SHANK2: variants seen among roughly 807,000 people sequenced by gnomAD.
The protein encoded by SHANK2 is SH3 and multiple ankyrin repeat domains protein 2.
Under a neutral mutation model 133.7 loss-of-function variants are expected in SHANK2, and 43 were observed. That is an observed-to-expected ratio of 0.32 (90% CI 0.25 to 0.41). SHANK2 has a LOEUF of 0.41. Ranked by LOEUF, SHANK2 falls within the 10% of genes least tolerant of loss-of-function variation. The pLI is 1.00. For synonymous variants in SHANK2, 1,017 were observed against 952.8 expected (o/e 1.07, Z -1.24); for missense variants, 1,994 against 2,235.8 (o/e 0.89, Z 2.18).
Position 70,689,489 on chromosome 11 carries a change from T to A in SHANK2, c.1853+9199A>T, listed in dbSNP as rs112478657. Among the ~76,000 whole-genome samples the A allele has an allele frequency of 5.7e-3, 868 of 152,182 alleles. 8 individuals are homozygous for A. Among genetic ancestry groups the A allele is most frequent in the African/African-American group, 0.02 (813 of 41,488 alleles). On this transcript the variant is annotated intron_variant, in intron 15 of 25. Transcript: ENST00000601538. ...AGGAAGCGCACACTCACATCCACCATCAGATTTCAGAACACTAAGAAAAAG... is the reference window on the plus strand; with the variant it reads ...AGGAAGCGCACACTCACATCCACCAACAGATTTCAGAACACTAAGAAAAAG...
chr11:71,171,786 C>G (rs1209987065), intron 2 of SHANK2, among the ~76,000 whole-genome samples: 1 of 152,234 alleles, frequency 6.6e-6, no homozygotes, highest in Non-Finnish European at 1.5e-5. Context: ...CAAAGATCAC[C>G]CCTCAGGGCA....
chr11:70,562,930 G>A (rs2059924718), intron 17 of SHANK2, among the ~76,000 whole-genome samples: 1 of 152,172 alleles, frequency 6.6e-6, no homozygotes, highest in Admixed American at 6.5e-5. Context: ...GGAGTGCAGT[G>A]GCACGATCTC....
chr11:70,509,770 C>A (rs782559040), intron 17 of SHANK2, among the ~76,000 whole-genome samples: 33 of 152,186 alleles, frequency 2.2e-4, no homozygotes, highest in Non-Finnish European at 4.0e-4. Flanking sequence ...GGGATTAGTG[C>A]CCTTATAAAA....
At chr11:71,204,726 A>G (rs1954093117) in intron 2 of SHANK2, among the ~76,000 whole-genome samples, 1 of 152,162 alleles carries the variant, frequency 6.6e-6, no homozygotes, top group South Asian at 2.1e-4. Flanking sequence ...CACAGAAAAC[A>G]AGACCAAGAA....
At chr11:70,585,914 CATCCA>C (rs2060244801) in intron 17 of SHANK2, among the ~76,000 whole-genome samples, 1 of 150,696 alleles carries the variant, frequency 6.6e-6, no homozygotes, top group Admixed American at 6.6e-5. Flanking sequence ...CCCATCCATC[CATCCA>C]CCCATCCTTC....
chr11:70,622,580 C>A (rs1554998269), intron 17 of SHANK2, among the ~76,000 whole-genome samples: 2 of 152,218 alleles, frequency 1.3e-5, no homozygotes, highest in Non-Finnish European at 2.9e-5. Context: ...CCAGGGGCTG[C>A]GGCCACCCTG....
At chr11:70,526,775 A>C (rs1591537652) in intron 17 of SHANK2, among the ~76,000 whole-genome samples, 13 of 131,288 alleles carry the variant, frequency 9.9e-5, no homozygotes, top group African/African-American at 1.5e-4. Context: ...CCCCTCCCCT[A>C]CTCTCAGGCA....
chr11:70,774,486 A>C (rs951817574), intron 14 of SHANK2, among the ~76,000 whole-genome samples: 1 of 152,064 alleles, frequency 6.6e-6, no homozygotes, highest in Non-Finnish European at 1.5e-5. Flanking sequence ...TACCCAGCTA[A>C]TTTTTGTATT....
rs1239105895 is a variant in SHANK2 at position 70,500,640 on chromosome 11, C to T, written c.2288-50G>A. The T allele has an allele frequency of 1.3e-6, 2 of 1,582,374 alleles. No homozygotes were observed. The highest frequency in any genetic ancestry group is 1.7e-6 in the Non-Finnish European group (2 of 1,164,888). On this transcript the variant is annotated intron_variant, in intron 20 of 25. Transcript: ENST00000601538. This position sits in a 1 kb window ranked among gnomAD's most constrained non-coding sequence, Gnocchi z 4.5. ...ATGAGCCACCAGGATGCAGCGCCCGCCCGCAGCCTACACTCGGGCCTTGTC... is the reference window on the plus strand; with the variant it reads ...ATGAGCCACCAGGATGCAGCGCCCGTCCGCAGCCTACACTCGGGCCTTGTC...
intron 10 of SHANK2, among the ~76,000 whole-genome samples, chr11:70,899,220 C>G (rs1292407640): frequency 6.6e-6 from 1 of 152,138 alleles, no homozygotes; most frequent in African/African-American, 2.4e-5. Context: ...CGGGAGGTAA[C>G]TGAATCACGG....
intron 15 of SHANK2, among the ~76,000 whole-genome samples, chr11:70,691,795 G>GAGC (rs1323216303): frequency 6.6e-6 from 1 of 152,196 alleles, no homozygotes; most frequent in Admixed American, 6.5e-5. Flanking sequence ...TCAGGAGGTT[G>GAGC]AGGCAGGAGA....
chr11:71,067,185 GC>G (rs1951075255), intron 9 of SHANK2, among the ~76,000 whole-genome samples: 1 of 152,146 alleles, frequency 6.6e-6, no homozygotes, highest in African/African-American at 2.4e-5. Flanking sequence ...CCCCATGATG[GC>G]CCCATGGGAG....
intron 2 of SHANK2, among the ~76,000 whole-genome samples, chr11:71,167,419 C>G (rs1396871749): frequency 7.7e-6 from 1 of 130,624 alleles, no homozygotes; most frequent in Non-Finnish European, 1.6e-5. Context: ...GGGGGCTGAC[C>G]CCCCCCACCT....
chr11:70,796,398 C>T (rs925423383), intron 14 of SHANK2, among the ~76,000 whole-genome samples: 3 of 152,232 alleles, frequency 2.0e-5, no homozygotes, highest in Admixed American at 1.3e-4. Context: ...GCCAACAAAG[C>T]CCGGTGCTGG....
intron 14 of SHANK2, among the ~76,000 whole-genome samples, chr11:70,712,628 T>C (rs1555026421): frequency 6.6e-6 from 1 of 152,238 alleles, no homozygotes; most frequent in South Asian, 2.1e-4. Flanking sequence ...CTGCCACTTA[T>C]GGTGAGCCCT....
Position 70,522,989 on chromosome 11 carries a change from A to T in SHANK2, c.2062-20058T>A, listed in dbSNP as rs557624294. Reference sequence around the variant, plus strand: ...GCAGCTCCAATCCACACCCTCTTTGAAAAATGTTTACACACAGTGCCACGA... The same window carrying T: ...GCAGCTCCAATCCACACCCTCTTTGTAAAATGTTTACACACAGTGCCACGA... On this transcript the variant is annotated intron_variant, in intron 17 of 25. Transcript: ENST00000601538. Among the ~76,000 whole-genome samples the T allele has an allele frequency of 1.2e-4, 18 of 152,298 alleles. No individual in the cohort carries two copies. The South Asian group carries it at 3.7e-3, about 32-fold the overall frequency.
rs1330562025 is a variant in SHANK2 at position 70,599,861 on chromosome 11, TAAAAAG to T, written c.2061+59961_2061+59966del. ...GGAAGGAGAGAACGAAAGAAAGAAA[TAAAAAG>T]AAAGAAAGAAAGAAAGAAAGAAAAA... On this transcript the variant is annotated intron_variant, in intron 17 of 25. Transcript: ENST00000601538. 6.3e-5 allele frequency among the ~76,000 whole-genome samples: 5 copies of T among 79,092 alleles called. 1 individual carries two copies. Among genetic ancestry groups the T allele is most frequent in the African/African-American group, 4.1e-4 (5 of 12,180 alleles). 51.9% of individuals were successfully genotyped at this position (79,092 alleles called of 152,430 possible). A position where few individuals can be genotyped will look rare whatever the true frequency, so the allele number is the denominator to read the frequency against.
chr11:71,241,490 C>T (rs1318379277), intron 1 of SHANK2, among the ~76,000 whole-genome samples: 1 of 152,156 alleles, frequency 6.6e-6, no homozygotes, highest in African/African-American at 2.4e-5. Context: ...AGCAAATGAC[C>T]CATTGCACAA....
At chr11:70,621,903 C>A (rs1209595806) in intron 17 of SHANK2, among the ~76,000 whole-genome samples, 1 of 152,142 alleles carries the variant, frequency 6.6e-6, no homozygotes, top group Non-Finnish European at 1.5e-5. Context: ...AGCCTGCACA[C>A]CCCCAGGCCT....
Sources: allele counts gnomAD v4.1 joint callset (sites outside exome capture counted in the v4.1 genomes callset), GRCh38; gene constraint gnomAD v4.1.1; non-coding constraint Gnocchi (gnomAD v3.1); transcripts MANE v1.5; gene names NCBI Gene and HGNC (gene_info 2026-07-23, HGNC 2026-07-21).